The following ANKRD45 variants were observed in gnomAD, a reference collection of about 807,000 sequenced individuals.
ANKRD45 encodes the protein ankyrin repeat domain-containing protein 45.
ANKRD45 carries 21 observed loss-of-function variants against 28.1 expected under a neutral mutation model. The ratio of observed to expected loss-of-function variants is 0.75; its 90% confidence interval spans 0.53 to 1.08. The LOEUF is 1.08. Ranked by LOEUF, ANKRD45 falls within the 50% of genes least tolerant of loss-of-function variation. ANKRD45 has a pLI of 0.00. For missense variants in ANKRD45, 261 were observed against 308.7 expected, an observed-to-expected ratio of 0.85 and a Z score of 1.16; for synonymous variants, 86 against 103.9, an observed-to-expected ratio of 0.83 and a Z score of 1.05.
chr1:173,689,106 T>C, the ANKRD45 span, among the ~76,000 whole-genome samples: 1 of 152,186 alleles, frequency 6.6e-6, no homozygotes, highest in Non-Finnish European at 1.5e-5. Context: ...CTACTCTTCC[T>C]CTAAAGTCAT....
In ANKRD45 at chr1:173,631,439, C is replaced by A. The variant is rs146768298; in HGVS notation, c.497-4280G>T. Among the ~76,000 whole-genome samples the A allele has an allele frequency of 1.4e-3, 206 of 151,806 alleles. 1 individual carries two copies. Among genetic ancestry groups the A allele is most frequent in the African/African-American group, 4.5e-3 (188 of 41,376 alleles). ...ATCCGGACAGATCATCCAGACAGAACATCAAAAAAGAAACATCGGACTTAA... is the reference window on the plus strand; with the variant it reads ...ATCCGGACAGATCATCCAGACAGAAAATCAAAAAAGAAACATCGGACTTAA... On this transcript the variant is annotated intron_variant, in intron 3 of 5. Transcript: ENST00000333279.
chr1:173,702,161 C>G, the ANKRD45 span, among the ~76,000 whole-genome samples: 10 of 152,240 alleles, frequency 6.6e-5, no homozygotes, highest in East Asian at 1.9e-3. Flanking sequence ...GGGGATGAGA[C>G]AGCAGGCACA....
intron 4 of ANKRD45, among the ~76,000 whole-genome samples, chr1:173,625,279 T>C (rs1667882990): frequency 6.6e-6 from 1 of 152,070 alleles, no homozygotes; most frequent in African/African-American, 2.4e-5. Context: ...ATTCTACACT[T>C]TCTCCCTAAT....
chr1:173,705,551 C>T, the ANKRD45 span, among the ~76,000 whole-genome samples: 2 of 150,780 alleles, frequency 1.3e-5, no homozygotes, highest in African/African-American at 4.9e-5. Flanking sequence ...CCCGTAGTCC[C>T]AACTATTTGT....
chr1:173,662,576 C>T (rs551457697), intron 1 of ANKRD45, among the ~76,000 whole-genome samples: 2 of 152,278 alleles, frequency 1.3e-5, no homozygotes, highest in East Asian at 3.9e-4. Flanking sequence ...CTCCATCATA[C>T]TTAGTGTGTA....
chr1:173,702,447 GT>G, the ANKRD45 span, among the ~76,000 whole-genome samples: 1 of 152,284 alleles, frequency 6.6e-6, no homozygotes, highest in Non-Finnish European at 1.5e-5. Context: ...GCCACCCAAG[GT>G]GAGTGTTTAT....
intron 3 of ANKRD45, among the ~76,000 whole-genome samples, chr1:173,632,311 A>T (rs1287761881): frequency 1.3e-5 from 2 of 152,064 alleles, no homozygotes; most frequent in Non-Finnish European, 2.9e-5. Flanking sequence ...ACCTGAATAA[A>T]CCAATAACAA....
intron 3 of ANKRD45, among the ~76,000 whole-genome samples, chr1:173,644,540 C>A (rs1156228903): frequency 1.3e-5 from 2 of 152,082 alleles, no homozygotes; most frequent in African/African-American, 4.8e-5. Context: ...CTCCAAGAAC[C>A]TAAGGACTCA....
At chr1:173,713,367 G>A in the ANKRD45 span, among the ~76,000 whole-genome samples, 1 of 152,146 alleles carries the variant, frequency 6.6e-6, no homozygotes, top group Non-Finnish European at 1.5e-5. Flanking sequence ...CTGGGCTTAA[G>A]CCAAGATAAC....
chr1:173,706,296 C>T, the ANKRD45 span, among the ~76,000 whole-genome samples: 4 of 107,214 alleles, frequency 3.7e-5, no homozygotes, highest in East Asian at 3.1e-4. Context: ...AGCAAGATTC[C>T]GTCTCAAAAA....
chr1:173,622,557 A>G (rs935805954), intron 5 of ANKRD45, among the ~76,000 whole-genome samples: 1 of 152,244 alleles, frequency 6.6e-6, no homozygotes, highest in South Asian at 2.1e-4. Flanking sequence ...GTAATGGAGA[A>G]AGGATTCCCT....
In ANKRD45 at chr1:173,609,015, A is replaced by T. The variant is rs1017538388; in HGVS notation, c.*1130T>A. Among the ~76,000 whole-genome samples, 4 of 151,988 alleles carry T rather than the reference A, an allele frequency of 2.6e-5. No homozygotes were observed. The highest frequency in any genetic ancestry group is 3.9e-4 in the East Asian group (2 of 5,154). ...AGAAGGGAGAAGGAGGGTAAAAAAA[A>T]AAAAGGAGCAAACACAGGTCTTCTT... On this transcript the variant is annotated 3_prime_UTR_variant, in exon 6 of 6. Coordinates refer to ENST00000333279, the MANE Select transcript of ANKRD45 (RefSeq NM_198493.3).
At position 173,641,038 on chromosome 1, in the gene ANKRD45, T is replaced by G. The variant is rs181577242; in HGVS notation, c.496+5808A>C. On this transcript the variant is annotated intron_variant, in intron 3 of 5. Coordinates refer to ENST00000333279, the MANE Select transcript of ANKRD45 (RefSeq NM_198493.3). ...AGACCCCCTAGGCATTTTTGAGATATGCATTATTCCCCAGTCTTCCCCTTC... is the reference window on the plus strand; with the variant it reads ...AGACCCCCTAGGCATTTTTGAGATAGGCATTATTCCCCAGTCTTCCCCTTC... 1.5e-3 allele frequency among the ~76,000 whole-genome samples: 231 copies of G among 152,274 alleles called. 2 individuals are homozygous for G. The highest frequency in any genetic ancestry group is 5.4e-3 in the African/African-American group (223 of 41,556).
At chr1:173,626,949 GGGA>G in intron 4 of ANKRD45, 113 bp downstream of exon 4, 1 of 642,164 alleles carries the variant, frequency 1.6e-6, no homozygotes, top group Non-Finnish European at 2.7e-6. Context: ...GAAAGAAAGA[GGGA>G]GGAGGGAGGA....
At chr1:173,680,012 T>C in the ANKRD45 span, among the ~76,000 whole-genome samples, 1 of 152,224 alleles carries the variant, frequency 6.6e-6, no homozygotes, top group African/African-American at 2.4e-5. Context: ...CCAGTTAGAA[T>C]GGCGATCATT....
chr1:173,691,649 G>A, the ANKRD45 span, among the ~76,000 whole-genome samples: 1 of 152,220 alleles, frequency 6.6e-6, no homozygotes, highest in Admixed American at 6.5e-5. Context: ...AGCCAGGCTT[G>A]GTGGTGGGTG....
chr1:173,661,856 G>T (rs1558146717), intron 1 of ANKRD45, among the ~76,000 whole-genome samples: 1 of 152,158 alleles, frequency 6.6e-6, no homozygotes, highest in Non-Finnish European at 1.5e-5. Context: ...GATAATTTTA[G>T]ATTGTTATAA....
Position 173,609,207 on chromosome 1 carries a change from T to G in ANKRD45, c.*938A>C, listed in dbSNP as rs1245446802. Among the ~76,000 whole-genome samples, 1 of 152,194 alleles carries G rather than the reference T, an allele frequency of 6.6e-6. No individual in the cohort carries two copies. The highest frequency in any genetic ancestry group is 1.5e-5 in the Non-Finnish European group (1 of 68,022). On this transcript the variant is annotated 3_prime_UTR_variant, in exon 6 of 6. Coordinates refer to ENST00000333279, the MANE Select transcript of ANKRD45 (RefSeq NM_198493.3). Reference sequence around the variant, plus strand: ...AACAGGGTTATCTCAAAACCATGGTTAAATAAATGTCAACTGACAAAGTAT... The same window carrying G: ...AACAGGGTTATCTCAAAACCATGGTGAAATAAATGTCAACTGACAAAGTAT...
At chr1:173,650,311 C>G (rs1271740801) in intron 2 of ANKRD45, among the ~76,000 whole-genome samples, 1 of 152,070 alleles carries the variant, frequency 6.6e-6, no homozygotes, top group Non-Finnish European at 1.5e-5. Context: ...TGTGTCCAAG[C>G]GTTCTCATTG....
Sources: allele counts gnomAD v4.1 joint callset (sites outside exome capture counted in the v4.1 genomes callset), GRCh38; gene constraint gnomAD v4.1.1; transcripts MANE v1.5; gene names NCBI Gene and HGNC (gene_info 2026-07-23, HGNC 2026-07-21).